Variants in ARHGAP12 observed in about 807,000 individuals in gnomAD.
ARHGAP12 encodes rho GTPase-activating protein 12.
Under a neutral mutation model 108.6 loss-of-function variants are expected in ARHGAP12, and 64 were observed. The observed-to-expected ratio is 0.59, with a 90% CI of 0.48 to 0.73. The LOEUF (loss-of-function observed/expected upper bound fraction) is 0.73. Among genes scored for constraint, ARHGAP12 ranks in the 30% least tolerant of loss-of-function variants. The pLI, the probability that ARHGAP12 is intolerant of heterozygous loss-of-function variation, is 0.00. For missense variants in ARHGAP12, 940 were observed against 1,005.9 expected (o/e 0.93, Z 0.89); for synonymous variants, 312 against 337.2 (o/e 0.93, Z 0.82).
In ARHGAP12 at chr10:31,817,771, C is replaced by T; in HGVS notation, c.1731+17G>A. 1 of 1,500,872 alleles carries T rather than the reference C, an allele frequency of 6.7e-7. No homozygotes were observed. Among genetic ancestry groups the T allele is most frequent in the South Asian group, 1.3e-5 (1 of 77,044 alleles). The allele number at this position is 1,500,872 out of a possible 1,614,324, so 93.0% of individuals were successfully genotyped here. On this transcript the variant is annotated intron_variant, in intron 13 of 19. Coordinates refer to ENST00000344936, the MANE Select transcript of ARHGAP12 (RefSeq NM_018287.7). ...AACAGCTCTGAAGTAAAAATTTTACCTAAGTCAACGACATACCTGATTATT... is the reference window on the plus strand; with the variant it reads ...AACAGCTCTGAAGTAAAAATTTTACTTAAGTCAACGACATACCTGATTATT...
chr10:31,861,301 G>A (rs1837102622), intron 4 of ARHGAP12, 94 bp downstream of exon 4: 2 of 1,416,308 alleles, frequency 1.4e-6, no homozygotes, highest in Non-Finnish European at 1.9e-6. Flanking sequence ...TTAACATGCT[G>A]ACAGTAAGAA....
chr10:31,838,698 G>A (rs1312192488), intron 9 of ARHGAP12, among the ~76,000 whole-genome samples: 4 of 151,886 alleles, frequency 2.6e-5, no homozygotes, highest in Non-Finnish European at 5.9e-5. Context: ...AGGTGTTGTG[G>A]CGCATGCCTG....
intron 15 of ARHGAP12, 96 bp downstream of exon 15, chr10:31,812,611 T>C (rs562772876): frequency 2.9e-5 from 22 of 766,274 alleles, no homozygotes; most frequent in African/African-American, 1.6e-4. Flanking sequence ...AAGAATAATA[T>C]TCTTACTGTT....
intron 6 of ARHGAP12, 116 bp from the exon 7 acceptor site, chr10:31,843,702 TG>T: frequency 1.7e-6 from 2 of 1,201,780 alleles, no homozygotes; most frequent in Non-Finnish European, 2.2e-6. Flanking sequence ...GTTCATTATA[TG>T]ACATCTCCAC....
chr10:31,922,180 CAAAAAAAA>C (rs56210740), intron 1 of ARHGAP12, among the ~76,000 whole-genome samples: 1 of 66,120 alleles, frequency 1.5e-5, no homozygotes, highest in Admixed American at 1.8e-4. Context: ...GACCCTGCCT[CAAAAAAAA>C]AAAAAAAAAA....
At chr10:31,867,902 A>G (rs962652790) in intron 3 of ARHGAP12, among the ~76,000 whole-genome samples, 3 of 132,098 alleles carry the variant, frequency 2.3e-5, no homozygotes, top group African/African-American at 1.1e-4. Context: ...TTTCTGATTT[A>G]AAAAAAAAAA....
intron 3 of ARHGAP12, among the ~76,000 whole-genome samples, chr10:31,876,483 C>T (rs536281408): frequency 6.6e-6 from 1 of 151,060 alleles, no homozygotes; most frequent in South Asian, 2.1e-4. Flanking sequence ...GCACTCCAGG[C>T]TGACAACAGA....
chr10:31,920,705 G>C (rs1474646629), intron 1 of ARHGAP12, among the ~76,000 whole-genome samples: 1 of 152,232 alleles, frequency 6.6e-6, no homozygotes, highest in South Asian at 2.1e-4. Context: ...GACAATAACA[G>C]TGCTGGCAAG....
chr10:31,832,661 A>T (rs1380297779), intron 9 of ARHGAP12, among the ~76,000 whole-genome samples: 3 of 149,702 alleles, frequency 2.0e-5, no homozygotes, highest in African/African-American at 4.9e-5. Context: ...ATACACACGC[A>T]CTCTCTCTCT....
intron 3 of ARHGAP12, among the ~76,000 whole-genome samples, chr10:31,888,744 T>C (rs1162990023): frequency 6.6e-6 from 1 of 151,616 alleles, no homozygotes; most frequent in Non-Finnish European, 1.5e-5. Flanking sequence ...AGAGTAAATA[T>C]AAAACATAAG....
At chr10:31,866,074 A>G (rs1328432876) in intron 3 of ARHGAP12, among the ~76,000 whole-genome samples, 2 of 152,222 alleles carry the variant, frequency 1.3e-5, no homozygotes, top group Admixed American at 6.5e-5. Context: ...TTCTATTGTT[A>G]GCATAATAAT....
At chr10:31,892,136 G>C (rs942526051) in intron 3 of ARHGAP12, among the ~76,000 whole-genome samples, 1 of 152,166 alleles carries the variant, frequency 6.6e-6, no homozygotes, top group African/African-American at 2.4e-5. Context: ...GGAACAACTG[G>C]TACCAGACAC....
At position 31,861,307 on chromosome 10, in the gene ARHGAP12, A is replaced by G. The variant is rs1216307171; in HGVS notation, c.948+88T>C. 1.1e-5 allele frequency: 16 copies of G among 1,461,032 alleles called. No individual in the cohort carries two copies. In the East Asian group the frequency reaches 3.4e-4, roughly 31 times the overall value. 90.5% of individuals were successfully genotyped at this position (1,461,032 alleles called of 1,614,324 possible). A position where few individuals can be genotyped will look rare whatever the true frequency, so the allele number is the denominator to read the frequency against. On this transcript the variant is annotated intron_variant, in intron 4 of 19. Transcript: ENST00000344936. ...TCACGTGTTTTAACATGCTGACAGT[A>G]AGAAACAAAACTATTTACTTCTTTG...
intron 6 of ARHGAP12, among the ~76,000 whole-genome samples, chr10:31,848,889 GATGAAA>G (rs897388957): frequency 6.6e-6 from 1 of 152,010 alleles, no homozygotes; most frequent in African/African-American, 2.4e-5. Context: ...TGACCAACAT[GATGAAA>G]CCCCATCTCT....
rs376515869 is a variant in ARHGAP12 at position 31,808,156 on chromosome 10, A to G, written c.2367-324T>C. Among the ~76,000 whole-genome samples, 159 of 152,234 alleles carry G rather than the reference A, an allele frequency of 1.0e-3. 2 individuals carry two copies. The Middle Eastern group carries it at 0.014, about 13-fold the overall frequency. ...GTGACTGCTCCATTAAGTTGATGGG[A>G]AAAAAATCTCATTAGGGTGTGGAGA... On this transcript the variant is annotated intron_variant, in intron 19 of 19. Coordinates refer to ENST00000344936, the MANE Select transcript of ARHGAP12 (RefSeq NM_018287.7).
At chr10:31,859,913 G>A (rs931243476) in intron 4 of ARHGAP12, among the ~76,000 whole-genome samples, 2 of 151,446 alleles carry the variant, frequency 1.3e-5, no homozygotes, top group Non-Finnish European at 2.9e-5. Context: ...TCCTGCCTCT[G>A]CCTTCCAAGT....
rs776524316 is a variant in ARHGAP12, at chr10:31,831,780, T to A, written c.1407A>T (p.Leu469Phe). 1.3e-6 allele frequency: 2 copies of A among 1,581,324 alleles called. No homozygotes were observed. Among genetic ancestry groups the A allele is most frequent in the African/African-American group, 2.7e-5 (2 of 74,240 alleles). The change falls in exon 10 of 20, where the codon TTA becomes TTT. Residue 469 changes from leucine (L) to phenylalanine (F), a missense_variant. Coordinates refer to ENST00000344936, the MANE Select transcript of ARHGAP12 (RefSeq NM_018287.7). ...SSPKDQEKYG[L>F]LNVTKIAENG... Reference sequence around the variant, plus strand: ...TTTCAGCAATTTTTGTTACATTTAATAATCCATATTTCTCTTGATCCTATG... The same window carrying A: ...TTTCAGCAATTTTTGTTACATTTAAAAATCCATATTTCTCTTGATCCTATG...
At chr10:31,862,436 C>A (rs1211110015) in intron 3 of ARHGAP12, among the ~76,000 whole-genome samples, 1 of 151,848 alleles carries the variant, frequency 6.6e-6, no homozygotes, top group Non-Finnish European at 1.5e-5. Context: ...TACTTCATAC[C>A]CTTTGTATAA....
chr10:31,883,487 G>A (rs1300536304), intron 3 of ARHGAP12, among the ~76,000 whole-genome samples: 1 of 152,164 alleles, frequency 6.6e-6, no homozygotes, highest in Non-Finnish European at 1.5e-5. Context: ...AACTAACATA[G>A]TAGAGGTATT....
Sources: gnomAD v4.1 joint callset for allele counts (sites outside exome capture counted in the v4.1 genomes callset) on GRCh38, gnomAD v4.1.1 for gene constraint, MANE v1.5 for transcripts, NCBI Gene and HGNC (gene_info 2026-07-23, HGNC 2026-07-21) for gene names.